Variants in VTCN1 observed in about 807,000 individuals in gnomAD.
The protein encoded by VTCN1 is V-set domain containing T cell activation inhibitor 1.
Under a neutral mutation model 26.5 loss-of-function variants are expected in VTCN1, and 26 were observed. That is an observed-to-expected ratio of 0.98 (90% CI 0.72 to 1.36). VTCN1 has a LOEUF of 1.36. VTCN1 is among the 40% of genes most tolerant of loss of function. The pLI is 0.00. For synonymous variants in VTCN1, 116 were observed against 130.7 expected, an observed-to-expected ratio of 0.89 and a Z score of 0.77; for missense variants, 298 against 337.7, an observed-to-expected ratio of 0.88 and a Z score of 0.92.
chr1:117,152,983 A>C, intron 4 of VTCN1, 108 bp downstream of exon 4: 1 of 1,251,474 alleles, frequency 8.0e-7, no homozygotes, highest in Non-Finnish European at 1.1e-6. Flanking sequence ...AGTGAAGAGG[A>C]CTCTAGAGAT....
intron 4 of VTCN1, among the ~76,000 whole-genome samples, chr1:117,151,396 G>A (rs542935496): frequency 6.6e-6 from 1 of 152,140 alleles, no homozygotes; most frequent in African/African-American, 2.4e-5. Context: ...TGGACCCAAA[G>A]AGTGAGCAGC....
At chr1:117,173,599 C>T (rs946853486) in intron 1 of VTCN1, among the ~76,000 whole-genome samples, 1 of 152,194 alleles carries the variant, frequency 6.6e-6, no homozygotes, top group African/African-American at 2.4e-5. Context: ...GTTTTCAGTA[C>T]TTTGTTACAA....
intron 3 of VTCN1, among the ~76,000 whole-genome samples, chr1:117,154,328 C>T (rs1172742763): frequency 6.6e-6 from 1 of 152,154 alleles, no homozygotes; most frequent in Non-Finnish European, 1.5e-5. Context: ...CCTCACAACA[C>T]TCCTGTGAAT....
At chr1:117,177,040 T>C (rs10923215) in intron 1 of VTCN1, among the ~76,000 whole-genome samples, 118,716 of 152,130 alleles carry the variant, frequency 0.78, 47,267 homozygotes, top group East Asian at 0.99. Context: ...CGAAGGCTGC[T>C]GTGAGCCGAG....
At chr1:117,168,488 G>A (rs1417903808) in intron 2 of VTCN1, among the ~76,000 whole-genome samples, 4 of 152,176 alleles carry the variant, frequency 2.6e-5, no homozygotes, top group African/African-American at 4.8e-5. Flanking sequence ...ACATCTTCAC[G>A]ACCTTGGAAT....
chr1:117,195,064 G>A (rs544865269), intron 1 of VTCN1, among the ~76,000 whole-genome samples: 5 of 139,280 alleles, frequency 3.6e-5, no homozygotes, highest in South Asian at 2.2e-4. Flanking sequence ...TCAGGAGTTC[G>A]AGACCAGCCT....
chr1:117,148,901 C>A (rs1427017622), intron 4 of VTCN1, among the ~76,000 whole-genome samples: 2 of 152,310 alleles, frequency 1.3e-5, no homozygotes, highest in East Asian at 3.9e-4. Context: ...GATTCTACCC[C>A]TGAACAACTG....
chr1:117,172,426 T>C, intron 1 of VTCN1: 2 of 518,826 alleles, frequency 3.9e-6, no homozygotes, highest in South Asian at 2.8e-5. Context: ...GTAGCCTCAG[T>C]TCTTACTGGT....
chr1:117,194,974 T>C, intron 1 of VTCN1, among the ~76,000 whole-genome samples: 1 of 152,048 alleles, frequency 6.6e-6, no homozygotes, highest in East Asian at 1.9e-4. Context: ...GTTAATAATA[T>C]TGTTTTGTAG....
At chr1:117,154,255 A>G (rs1179820938) in intron 3 of VTCN1, among the ~76,000 whole-genome samples, 1 of 152,180 alleles carries the variant, frequency 6.6e-6, no homozygotes, top group East Asian at 1.9e-4. Flanking sequence ...ATGACAATGA[A>G]CCACCATTCA....
In VTCN1 at chr1:117,146,502, G is replaced by C. The variant is rs927961905; in HGVS notation, c.*45+1111C>G. On this transcript the variant is annotated intron_variant, in intron 5 of 5. Transcript: ENST00000369458. The surrounding 1 kb of genome is among the most constrained non-coding windows in gnomAD (Gnocchi z 4.2). ...CATAAATCATACATGCATGCCAAGA[G>C]GATATAAAATACAAAGACTCTTGGG... Among the ~76,000 whole-genome samples the C allele has an allele frequency of 3.9e-5, 6 of 152,142 alleles. No homozygotes were observed. Among genetic ancestry groups the C allele is most frequent in the Non-Finnish European group, 7.3e-5 (5 of 68,032 alleles).
chr1:117,200,864 A>G (rs1004096243), intron 1 of VTCN1, among the ~76,000 whole-genome samples: 9 of 152,052 alleles, frequency 5.9e-5, no homozygotes, highest in Non-Finnish European at 1.3e-4. Context: ...CCAACCTCCC[A>G]TGTCAGCCTC....
chr1:117,165,585 T>C (rs1181754895), intron 2 of VTCN1, among the ~76,000 whole-genome samples: 3 of 152,154 alleles, frequency 2.0e-5, no homozygotes, highest in African/African-American at 7.2e-5. Flanking sequence ...CTCTCCCTCT[T>C]GCTCCTGCTT....
intron 1 of VTCN1, among the ~76,000 whole-genome samples, chr1:117,179,334 C>T (rs955264766): frequency 7.9e-5 from 12 of 152,012 alleles, no homozygotes; most frequent in South Asian, 4.2e-4. Flanking sequence ...GAAATCAGGG[C>T]GGTGATATGA....
At chr1:117,184,462 G>T (rs930482694) in intron 1 of VTCN1, among the ~76,000 whole-genome samples, 1 of 152,070 alleles carries the variant, frequency 6.6e-6, no homozygotes, top group African/African-American at 2.4e-5. Flanking sequence ...TTTATAATCA[G>T]GAAAACTAGA....
In VTCN1 at chr1:117,159,114, C is replaced by G. The variant is rs1652240636; in HGVS notation, c.98-2193G>C. Among the ~76,000 whole-genome samples the G allele has an allele frequency of 6.6e-6, 1 of 152,208 alleles. No individual in the cohort carries two copies. Among genetic ancestry groups the G allele is most frequent in the Non-Finnish European group, 1.5e-5 (1 of 68,044 alleles). On this transcript the variant is annotated intron_variant, in intron 2 of 5. Coordinates refer to ENST00000369458, the MANE Select transcript of VTCN1 (RefSeq NM_024626.4). The surrounding 1 kb of genome is among the most constrained non-coding windows in gnomAD (Gnocchi z 4.7). ...CTTCTTCTGAGCTCTCCAAACTGTT[C>G]CAACCTCTGCCTGTTACCCAGTTCC...
intron 2 of VTCN1, among the ~76,000 whole-genome samples, chr1:117,164,308 T>G (rs911718659): frequency 2.0e-5 from 3 of 152,044 alleles, no homozygotes; most frequent in African/African-American, 7.2e-5. Context: ...CAAACTGGAC[T>G]TGTCTAAGTC....
chr1:117,154,783 CAA>C (rs916361996), intron 3 of VTCN1, among the ~76,000 whole-genome samples: 4 of 39,910 alleles, frequency 1.0e-4, no homozygotes, highest in Admixed American at 2.6e-4. Flanking sequence ...AACTCCATCT[CAA>C]AAAAAAAAAA....
In VTCN1 at chr1:117,146,853, A is replaced by G. The variant is rs73008014; in HGVS notation, c.*45+760T>C. Among the ~76,000 whole-genome samples, 222 of 152,298 alleles carry G rather than the reference A, an allele frequency of 1.5e-3. 3 individuals are homozygous for G. The highest frequency in any genetic ancestry group is 5.1e-3 in the African/African-American group (214 of 41,572). On this transcript the variant is annotated intron_variant, in intron 5 of 5. Coordinates refer to ENST00000369458, the MANE Select transcript of VTCN1 (RefSeq NM_024626.4). The surrounding 1 kb of genome is among the most constrained non-coding windows in gnomAD (Gnocchi z 4.2). ...GTTTCCTATCAGCTAAAACAGGGAA[A>G]GGAAGGAGCAGGTACAGTGTTTCAA...
Sources: allele counts gnomAD v4.1 joint callset (sites outside exome capture counted in the v4.1 genomes callset), GRCh38; gene constraint gnomAD v4.1.1; non-coding constraint Gnocchi (gnomAD v3.1); transcripts MANE v1.5; gene names NCBI Gene and HGNC (gene_info 2026-07-23, HGNC 2026-07-21).